The following EPB41L2 variants were observed in gnomAD, a reference collection of about 807,000 sequenced individuals.
EPB41L2 encodes erythrocyte membrane protein band 4.1 like 2.
In EPB41L2, 43 loss-of-function variants were observed where a neutral mutation model predicts 113.0. The ratio of observed to expected loss-of-function variants is 0.38; its 90% CI spans 0.30 to 0.49. EPB41L2 has a LOEUF of 0.49. EPB41L2 is among the 20% of genes least tolerant of loss of function. The pLI is 0.95. For missense variants in EPB41L2, 1,147 were observed against 1,223.4 expected (o/e 0.94, Z 0.93); for synonymous variants, 442 against 436.7 (o/e 1.01, Z -0.15).
intron 11 of EPB41L2, among the ~76,000 whole-genome samples, chr6:130,886,186 T>A (rs1436006818): frequency 6.6e-6 from 1 of 152,114 alleles, no homozygotes; most frequent in Non-Finnish European, 1.5e-5. Context: ...ACAAACACCT[T>A]TAGACTGCAA....
At chr6:130,867,764 TATCATATATACA>T in intron 15 of EPB41L2, 183 bp from the exon 16 acceptor site, 1 of 644,514 alleles carries the variant, frequency 1.6e-6, no homozygotes, top group Admixed American at 2.8e-5. Context: ...CCTTCAAATA[TATCATATATACA>T]CATACATACA....
chr6:131,062,958 G>A (rs1037331575), intron 1 of EPB41L2, among the ~76,000 whole-genome samples, 197 bp downstream of exon 1: 1 of 152,088 alleles, frequency 6.6e-6, no homozygotes, highest in Non-Finnish European at 1.5e-5. Context: ...AAGGAGAGAG[G>A]GAGCCGCAGA....
chr6:131,023,456 G>A lies in EPB41L2; in HGVS notation c.-15+39699C>T, dbSNP rs559475461. Reference sequence around the variant, plus strand: ...TCCCAGCACTTTGGGAGGCCGAGGCGGGTGGATCACAAGGTCAGAAGTTCG... The same window carrying A: ...TCCCAGCACTTTGGGAGGCCGAGGCAGGTGGATCACAAGGTCAGAAGTTCG... On this transcript the variant is annotated intron_variant, in intron 1 of 19. Coordinates refer to ENST00000337057, the MANE Select transcript of EPB41L2 (RefSeq NM_001431.4). Among the ~76,000 whole-genome samples, 26 of 152,178 alleles carry A rather than the reference G, an allele frequency of 1.7e-4. No homozygotes were observed. In the Middle Eastern group the frequency reaches 0.01, roughly 60 times the overall value.
intron 3 of EPB41L2, among the ~76,000 whole-genome samples, chr6:130,950,041 CA>C (rs1814334135): frequency 6.6e-6 from 1 of 152,086 alleles, no homozygotes; most frequent in Admixed American, 6.5e-5. Flanking sequence ...TGGGGGCAGT[CA>C]AGAGTTATAT....
chr6:130,896,674 T>C (rs1174599801), intron 8 of EPB41L2, among the ~76,000 whole-genome samples: 5 of 152,202 alleles, frequency 3.3e-5, no homozygotes, highest in East Asian at 1.9e-4. Context: ...TTTGTGTGAA[T>C]AGAAACGACA....
At chr6:130,954,390 C>G (rs1268299364) in intron 3 of EPB41L2, among the ~76,000 whole-genome samples, 6 of 152,058 alleles carry the variant, frequency 3.9e-5, no homozygotes, top group African/African-American at 1.2e-4. Context: ...TCTCTAAGCC[C>G]TAAGTTCCCC....
chr6:131,059,759 G>GA (rs773223180), intron 1 of EPB41L2, among the ~76,000 whole-genome samples: 1 of 152,168 alleles, frequency 6.6e-6, no homozygotes, highest in Non-Finnish European at 1.5e-5. Context: ...AAAGAGCAGT[G>GA]AATTAGGGTT....
At chr6:130,991,023 G>A (rs1005239324) in intron 1 of EPB41L2, among the ~76,000 whole-genome samples, 1 of 151,916 alleles carries the variant, frequency 6.6e-6, no homozygotes, top group African/African-American at 2.4e-5. Context: ...TAGAGACGGA[G>A]TTTCACCATG....
Position 130,903,417 on chromosome 6 carries a change from G to A in EPB41L2, c.929+1048C>T, listed in dbSNP as rs146263665. Among the ~76,000 whole-genome samples, 502 of 149,346 alleles carry A rather than the reference G, an allele frequency of 3.4e-3. 8 individuals are homozygous for A. The highest frequency in any genetic ancestry group is 0.024 in the Admixed American group (361 of 14,990). On this transcript the variant is annotated intron_variant, in intron 6 of 19. Transcript: ENST00000337057. Reference sequence around the variant, plus strand: ...GTAGTTTAAAAAAAAAAAAAAGGCCGGCCTGCTATGTACCCAATATTGGAA... The same window carrying A: ...GTAGTTTAAAAAAAAAAAAAAGGCCAGCCTGCTATGTACCCAATATTGGAA...
intron 8 of EPB41L2, 50 bp from the exon 9 acceptor site, chr6:130,895,169 C>A (rs779301736): frequency 2.0e-6 from 3 of 1,534,090 alleles, no homozygotes; most frequent in South Asian, 2.6e-5. Context: ...GAAAGTTACA[C>A]AAATCAAGAA....
chr6:130,883,596 G>A (rs1289170029), intron 12 of EPB41L2, among the ~76,000 whole-genome samples: 3 of 152,160 alleles, frequency 2.0e-5, no homozygotes, highest in Non-Finnish European at 4.4e-5. Flanking sequence ...AAAATAACTA[G>A]ATATGTCAAG....
chr6:131,030,038 A>G (rs1791788449), intron 1 of EPB41L2, among the ~76,000 whole-genome samples: 1 of 151,950 alleles, frequency 6.6e-6, no homozygotes, highest in Non-Finnish European at 1.5e-5. Context: ...CAATGACTTT[A>G]ACAAATGGTT....
At chr6:130,888,806 T>C (rs1469355203) in intron 11 of EPB41L2, among the ~76,000 whole-genome samples, 1 of 152,198 alleles carries the variant, frequency 6.6e-6, no homozygotes, top group Non-Finnish European at 1.5e-5. Flanking sequence ...ATCAACTGAA[T>C]TTAAATCATT....
At chr6:130,999,965 C>G (rs1179797167) in intron 1 of EPB41L2, among the ~76,000 whole-genome samples, 2 of 152,164 alleles carry the variant, frequency 1.3e-5, no homozygotes, top group East Asian at 3.8e-4. Context: ...AGGCAATGAG[C>G]TGAAATTAAT....
intron 18 of EPB41L2, among the ~76,000 whole-genome samples, chr6:130,859,368 A>G (rs1781289211): frequency 6.6e-6 from 1 of 152,058 alleles, no homozygotes; most frequent in Admixed American, 6.6e-5. Context: ...TAAAAACACC[A>G]GGCTTGGCTG....
At chr6:131,041,398 G>C (rs1479932680) in intron 1 of EPB41L2, among the ~76,000 whole-genome samples, 3 of 152,174 alleles carry the variant, frequency 2.0e-5, no homozygotes, top group Non-Finnish European at 4.4e-5. Context: ...TTTCCCATCA[G>C]ACTGATGGAT....
intron 1 of EPB41L2, among the ~76,000 whole-genome samples, chr6:130,982,300 C>T (rs1779547919): frequency 1.3e-5 from 2 of 152,112 alleles, no homozygotes; most frequent in African/African-American, 4.8e-5. Flanking sequence ...TAGTTTATTT[C>T]TATTATGGCT....
rs1562669268 is a variant in EPB41L2, at chr6:130,987,719, GAATGAA to G, written c.-14-31226_-14-31221del. 2.0e-5 allele frequency among the ~76,000 whole-genome samples: 3 copies of G among 151,664 alleles called. No homozygotes were observed. In the East Asian group the frequency reaches 5.8e-4, roughly 29 times the overall value. On this transcript the variant is annotated intron_variant, in intron 1 of 19. Coordinates refer to ENST00000337057, the MANE Select transcript of EPB41L2 (RefSeq NM_001431.4). ...TAAATGAATGAATGAATGAATGAATGAATGAATGAATGAATGTTGTTCTGAGAAGAA... is the reference window on the plus strand; with the variant it reads ...TAAATGAATGAATGAATGAATGAATGTGAATGAATGTTGTTCTGAGAAGAA...
chr6:130,956,922 G>A (rs1817637905), intron 1 of EPB41L2, among the ~76,000 whole-genome samples: 1 of 152,152 alleles, frequency 6.6e-6, no homozygotes, highest in South Asian at 2.1e-4. Context: ...AACAGTGCTA[G>A]AAAGCAATGA....
Sources: allele counts gnomAD v4.1 joint callset (sites outside exome capture counted in the v4.1 genomes callset), GRCh38; gene constraint gnomAD v4.1.1; transcripts MANE v1.5; gene names NCBI Gene and HGNC (gene_info 2026-07-23, HGNC 2026-07-21).